TBC1D8: variants seen among roughly 807,000 people sequenced by gnomAD.
TBC1D8 encodes the protein TBC1 domain family member 8, also known as BUB2-like protein 1.
A neutral mutation model predicts 118.8 loss-of-function variants in TBC1D8; 65 were observed. The observed-to-expected ratio is 0.55, with a 90% confidence interval of 0.45 to 0.67. The LOEUF is 0.67. TBC1D8 is among the 30% of genes least tolerant of loss of function. The pLI, the probability that TBC1D8 is intolerant of heterozygous loss-of-function variation, is 0.00. For missense variants in TBC1D8, 1,376 were observed against 1,471.2 expected (o/e 0.94, Z 1.06); for synonymous variants, 566 against 595.8 (o/e 0.95, Z 0.73).
chr2:101,091,631 G>A (rs12620620), intron 1 of TBC1D8, among the ~76,000 whole-genome samples: 46,885 of 151,950 alleles, frequency 0.31, 7,342 homozygotes, highest in East Asian at 0.38. Flanking sequence ...AGGCTGAGGC[G>A]GGAGGATGGC....
At chr2:101,058,992 A>G (rs1573955962) in intron 3 of TBC1D8, among the ~76,000 whole-genome samples, 1 of 151,230 alleles carries the variant, frequency 6.6e-6, no homozygotes, top group Non-Finnish European at 1.5e-5. Context: ...TGCAAGCACC[A>G]CCTCCCGGGT....
chr2:101,102,124 T>TA (rs1676883993), intron 1 of TBC1D8, among the ~76,000 whole-genome samples: 1 of 151,892 alleles, frequency 6.6e-6, no homozygotes, highest in Non-Finnish European at 1.5e-5. Flanking sequence ...AGAAAACACT[T>TA]ACAAACATAG....
chr2:101,020,521 A>G (rs1679968004), intron 17 of TBC1D8, among the ~76,000 whole-genome samples: 1 of 152,246 alleles, frequency 6.6e-6, no homozygotes, highest in South Asian at 2.1e-4. Flanking sequence ...AAATAAATAA[A>G]TAATAAACAA....
intron 5 of TBC1D8, among the ~76,000 whole-genome samples, chr2:101,047,228 T>C (rs941077374): frequency 5.9e-5 from 9 of 152,106 alleles, no homozygotes; most frequent in Non-Finnish European, 1.3e-4. Context: ...ACCAGCCCAA[T>C]CAACCGAGGG....
intron 1 of TBC1D8, among the ~76,000 whole-genome samples, chr2:101,118,030 T>C (rs1470867230): frequency 3.3e-5 from 5 of 152,048 alleles, no homozygotes; most frequent in Admixed American, 3.3e-4. Flanking sequence ...GCTGGTTTGC[T>C]GAAGTTCCTG....
intron 3 of TBC1D8, among the ~76,000 whole-genome samples, chr2:101,056,319 T>C (rs1487935710): frequency 6.6e-6 from 1 of 151,650 alleles, no homozygotes; most frequent in African/African-American, 2.4e-5. Context: ...TTCTCCTGCC[T>C]CAGTCTCCCA....
intron 1 of TBC1D8, among the ~76,000 whole-genome samples, chr2:101,125,418 C>T (rs980956392): frequency 1.3e-5 from 2 of 152,200 alleles, no homozygotes; most frequent in South Asian, 2.1e-4. Context: ...CAGACATTCA[C>T]TCACACACAG....
intron 1 of TBC1D8, among the ~76,000 whole-genome samples, chr2:101,143,388 C>T (rs556912992): frequency 6.6e-6 from 1 of 152,096 alleles, no homozygotes; most frequent in South Asian, 2.1e-4. Flanking sequence ...AAGTAAAAAG[C>T]AGGAAGCAGG....
chr2:101,109,280 C>G (rs931231736), intron 1 of TBC1D8, among the ~76,000 whole-genome samples: 1 of 152,158 alleles, frequency 6.6e-6, no homozygotes, highest in Non-Finnish European at 1.5e-5. Context: ...TGGCACAACT[C>G]TGCAGACAAG....
intron 17 of TBC1D8, among the ~76,000 whole-genome samples, chr2:101,017,650 A>G (rs142295069): frequency 1.9e-3 from 288 of 152,356 alleles, no homozygotes; most frequent in African/African-American, 6.6e-3. Flanking sequence ...CTGTGCAAAG[A>G]TCTTGTGTAT....
In TBC1D8 at chr2:101,151,340, G is replaced by T; in HGVS notation, c.-87C>A. 9.3e-7 allele frequency: 1 copy of T among 1,075,278 alleles called. No homozygotes were observed. The highest frequency in any genetic ancestry group is 1.1e-6 in the Non-Finnish European group (1 of 876,542). 66.6% of individuals were successfully genotyped at this position (1,075,278 alleles called of 1,614,324 possible). A position where few individuals can be genotyped will look rare whatever the true frequency, so the allele number is the denominator to read the frequency against. On this transcript the variant is annotated 5_prime_UTR_variant, in exon 1 of 20. Transcript: ENST00000409318. The stretch of plus-strand genomic sequence containing the variant: ...GAGCCGAGCCCGCTCGAGAGGCGAC[G>T]GCGGCGCGCGGGGACCACAGCCCGG...
In TBC1D8 at chr2:101,093,749, G is replaced by A. The variant is rs1053538174; in HGVS notation, c.128-3385C>T. Among the ~76,000 whole-genome samples the A allele has an allele frequency of 2.6e-5, 4 of 151,826 alleles. No homozygotes were observed. In the South Asian group the frequency reaches 8.4e-4, roughly 32 times the overall value. ...AAAAGAGATGGAGGGTCACTCTATCGCCCAGGTTGGAGTGCGGTGGCACAA... is the reference window on the plus strand; with the variant it reads ...AAAAGAGATGGAGGGTCACTCTATCACCCAGGTTGGAGTGCGGTGGCACAA... On this transcript the variant is annotated intron_variant, in intron 1 of 19. Coordinates refer to ENST00000409318, the MANE Select transcript of TBC1D8 (RefSeq NM_001330348.2).
At chr2:101,022,032 C>T (rs1008467398) in intron 16 of TBC1D8, among the ~76,000 whole-genome samples, 7 of 152,206 alleles carry the variant, frequency 4.6e-5, no homozygotes, top group Non-Finnish European at 8.8e-5. Context: ...ACCACCACAT[C>T]GTGGATGCCA....
At position 101,052,536 on chromosome 2, in the gene TBC1D8, G is replaced by C. The variant is rs542373019; in HGVS notation, c.631+1572C>G. Among the ~76,000 whole-genome samples the C allele has an allele frequency of 8.9e-5, 13 of 146,850 alleles. No individual in the cohort carries two copies. In the South Asian group the frequency reaches 2.8e-3, roughly 31 times the overall value. On this transcript the variant is annotated intron_variant, in intron 4 of 19. Coordinates refer to ENST00000409318, the MANE Select transcript of TBC1D8 (RefSeq NM_001330348.2). ...TTATCACCCAGGCTGGAGTGCGCTG[G>C]TGCAATCTCGGCTCACTGCAACCTC...
At chr2:101,052,621 C>T (rs564179848) in intron 4 of TBC1D8, among the ~76,000 whole-genome samples, 1 of 152,108 alleles carries the variant, frequency 6.6e-6, no homozygotes, top group African/African-American at 2.4e-5. Flanking sequence ...GGACCATAGG[C>T]GTGCACCACC....
chr2:101,121,559 C>A (rs766434321), intron 1 of TBC1D8, among the ~76,000 whole-genome samples: 4 of 152,214 alleles, frequency 2.6e-5, no homozygotes, highest in Non-Finnish European at 4.4e-5. Flanking sequence ...GTGAAAGGAG[C>A]GAGAGAGCTC....
Position 101,029,707 on chromosome 2 carries a change from A to T in TBC1D8, c.2006T>A (p.Met669Lys). ...KGHLPELAEH[M>K]NDLSALASVS... is the part of the protein sequence containing the mutation. ...GGACGCCAGGGCTGAGAGGTCGTTC[A>T]TGTGCTCTGCCAGCTCTGGGAGATG... is the stretch of plus-strand genomic sequence containing the variant. Residue 669 changes from methionine to lysine, a missense_variant, in exon 12 of 20, where the codon ATG becomes AAG. Coordinates refer to ENST00000409318, the MANE Select transcript of TBC1D8 (RefSeq NM_001330348.2). 1.2e-6 allele frequency: 2 copies of T among 1,613,968 alleles called. No homozygotes were observed. The highest frequency in any genetic ancestry group is 2.2e-5 in the South Asian group (2 of 91,082).
chr2:101,082,138 C>T (rs1675306325), intron 2 of TBC1D8, among the ~76,000 whole-genome samples: 2 of 151,996 alleles, frequency 1.3e-5, no homozygotes, highest in African/African-American at 4.8e-5. Flanking sequence ...GACTCCGTCT[C>T]AAAAAACGAA....
intron 2 of TBC1D8, among the ~76,000 whole-genome samples, chr2:101,074,589 CCATATAGAGCTTCAAAACCTTAAAATCT>C (rs1427434490): frequency 2.0e-5 from 3 of 152,128 alleles, no homozygotes; most frequent in African/African-American, 7.2e-5. Context: ...TATTCTAACA[CCATATAGAGCTTCAAAACCTTAAAATCT>C]CATTCAACTA....
Sources: allele counts gnomAD v4.1 joint callset (sites outside exome capture counted in the v4.1 genomes callset), GRCh38; gene constraint gnomAD v4.1.1; transcripts MANE v1.5; gene names NCBI Gene and HGNC (gene_info 2026-07-23, HGNC 2026-07-21).